ERAP1: variants seen among roughly 807,000 people sequenced by gnomAD.
ERAP1 encodes the protein adipocyte-derived leucine aminopeptidase.
Under a neutral mutation model 103.7 loss-of-function variants are expected in ERAP1, and 86 were observed. The observed-to-expected ratio is 0.83, with a 90% CI of 0.70 to 0.99. ERAP1 has a LOEUF of 0.99. Among genes scored for constraint, ERAP1 ranks in the 50% least tolerant of loss-of-function variants. The pLI is 0.00. For missense variants in ERAP1, 1,009 were observed against 1,128.4 expected (o/e 0.89, Z 1.52); for synonymous variants, 398 against 402.4 (o/e 0.99, Z 0.13).
At chr5:96,840,021 A>C in the ERAP1 span, among the ~76,000 whole-genome samples, 3 of 152,216 alleles carry the variant, frequency 2.0e-5, no homozygotes, top group Non-Finnish European at 4.4e-5. Context: ...GCTAGAATGG[A>C]AACTCAATAA....
At chr5:96,795,264 G>T (rs1777226931) in intron 4 of ERAP1, 102 bp from the exon 5 acceptor site, 2 of 1,477,200 alleles carry the variant, frequency 1.4e-6, no homozygotes, top group Non-Finnish European at 1.9e-6. Flanking sequence ...GTGGGATATG[G>T]TTGCCAATAT....
Position 96,783,166 on chromosome 5 carries a change from C to T in ERAP1, c.2170G>A (p.Glu724Lys), listed in dbSNP as rs1400621503. Residue 724 changes from glutamate to lysine, a missense_variant, in exon 15 of 19, where the codon GAG becomes AAG. By Grantham distance (56) the Glu-to-Lys change is moderately conservative. Coordinates refer to ENST00000443439, the MANE Select transcript of ERAP1 (RefSeq NM_001040458.3). ...AGTAGTTGACTCCGCAGCATTCGCT[C>T]TGAGACTGAGCCCTCGTCTGTCCAT... ...QTWTDEGSVS[E>K]RMLRSQLLLL... is the part of the protein sequence containing the mutation. The T allele has an allele frequency of 5.6e-6, 9 of 1,614,102 alleles. No homozygotes were observed. The highest frequency in any genetic ancestry group is 7.6e-6 in the Non-Finnish European group (9 of 1,180,048).
the ERAP1 span, chr5:96,896,820 A>G: frequency 1.2e-6 from 2 of 1,603,484 alleles, no homozygotes. Flanking sequence ...AAGTTCAGCT[A>G]TAGAAATGCT....
chr5:96,841,784 C>T, the ERAP1 span, among the ~76,000 whole-genome samples: 1 of 59,388 alleles, frequency 1.7e-5, no homozygotes, highest in Non-Finnish European at 3.9e-5. Context: ...ACTCATTTTA[C>T]TCTTAAAATT....
chr5:96,886,550 C>A, the ERAP1 span: 1 of 992,880 alleles, frequency 1.0e-6, no homozygotes, highest in African/African-American at 1.6e-5. Flanking sequence ...ATCGATTGTC[C>A]TTCAGAGTAT....
intron 17 of ERAP1, 68 bp from the exon 18 acceptor site, chr5:96,780,572 T>G: frequency 8.4e-7 from 1 of 1,196,508 alleles, no homozygotes; most frequent in Non-Finnish European, 1.2e-6. Context: ...TTTAAGGGCC[T>G]CCTATATATA....
At chr5:96,898,403 C>T in the ERAP1 span, among the ~76,000 whole-genome samples, 1 of 151,794 alleles carries the variant, frequency 6.6e-6, no homozygotes, top group Non-Finnish European at 1.5e-5. Context: ...ACTTGCATTT[C>T]TTGAAAATCC....
At chr5:96,807,795 A>C in intron 1 of ERAP1, 65 bp downstream of exon 1, 2 of 971,840 alleles carry the variant, frequency 2.1e-6, no homozygotes, top group Non-Finnish European at 2.4e-6. Context: ...GGCGCAGGGA[A>C]GGGGCGGGTG....
chr5:96,929,974 A>G, the ERAP1 span, among the ~76,000 whole-genome samples: 26 of 152,310 alleles, frequency 1.7e-4, no homozygotes, highest in African/African-American at 5.8e-4. Context: ...TAAACTAAAA[A>G]TAAAATTCTA....
At chr5:96,892,501 T>C in the ERAP1 span, 1 of 1,602,738 alleles carries the variant, frequency 6.2e-7, no homozygotes, top group Non-Finnish European at 8.5e-7. Context: ...AAAATAACAT[T>C]ATATAGAACA....
At chr5:96,825,995 A>C in the ERAP1 span, among the ~76,000 whole-genome samples, 1 of 152,214 alleles carries the variant, frequency 6.6e-6, no homozygotes, top group African/African-American at 2.4e-5. Context: ...GATACTCAGT[A>C]ACATCAGTTC....
At chr5:96,842,693 T>C in the ERAP1 span, among the ~76,000 whole-genome samples, 1 of 152,232 alleles carries the variant, frequency 6.6e-6, no homozygotes, top group South Asian at 2.1e-4. Flanking sequence ...TTTTCTGGTA[T>C]ATAGCATGCA....
intron 16 of ERAP1, 24 bp downstream of exon 16, chr5:96,781,663 CACATGA>C: frequency 6.2e-7 from 1 of 1,613,760 alleles, no homozygotes; most frequent in Non-Finnish European, 8.5e-7. Flanking sequence ...TTCCCTTGGC[CACATGA>C]ACATGAATGA....
chr5:96,835,375 T>G, the ERAP1 span, among the ~76,000 whole-genome samples: 1 of 152,158 alleles, frequency 6.6e-6, no homozygotes, highest in East Asian at 1.9e-4. Context: ...CCACATGAAT[T>G]GCTACAAGGA....
intron 14 of ERAP1, 135 bp downstream of exon 14, chr5:96,783,789 T>C: frequency 2.1e-6 from 2 of 942,082 alleles, no homozygotes; most frequent in Non-Finnish European, 3.1e-6. Flanking sequence ...CTAATATTTA[T>C]TTGCTTTTCC....
At chr5:96,766,010 A>G in intron 19 of ERAP1, 7 of 1,087,472 alleles carry the variant, frequency 6.4e-6, no homozygotes, top group Non-Finnish European at 9.8e-6. Flanking sequence ...TCTAAGTGAA[A>G]GAGGAAATGA....
the ERAP1 span, among the ~76,000 whole-genome samples, chr5:96,818,451 T>G: frequency 6.6e-6 from 1 of 151,150 alleles, no homozygotes; most frequent in East Asian, 1.9e-4. Flanking sequence ...TCCTTTATGT[T>G]CCCAGCACTA....
At chr5:96,773,446 T>G (rs939771170), downstream of ERAP1, 2 of 152,396 alleles carry the variant, frequency 1.3e-5, no homozygotes, top group African/African-American at 4.8e-5. Context: ...GTTTACTGTG[T>G]TAGTAAACTG....
At chr5:96,872,874 A>G in the ERAP1 span, among the ~76,000 whole-genome samples, 3 of 152,214 alleles carry the variant, frequency 2.0e-5, no homozygotes, top group Non-Finnish European at 4.4e-5. Context: ...CTAAGAGGAT[A>G]GAAACATATG....
Sources: gnomAD v4.1 joint callset for allele counts (sites outside exome capture counted in the v4.1 genomes callset) on GRCh38, gnomAD v4.1.1 for gene constraint, MANE v1.5 for transcripts, NCBI Gene and HGNC (gene_info 2026-07-23, HGNC 2026-07-21) for gene names.